The following GRIK1 variants were observed in gnomAD, a reference collection of about 807,000 sequenced individuals.
GRIK1 encodes glutamate ionotropic receptor kainate type subunit 1, also known as glutamate receptor ionotropic, kainate 1.
GRIK1 carries 69 observed loss-of-function variants against 105.7 expected under a neutral mutation model. That is an observed-to-expected ratio of 0.65 (90% CI 0.54 to 0.80). GRIK1 has a LOEUF of 0.80. GRIK1 is among the 30% of genes least tolerant of loss of function. GRIK1 has a pLI of 0.00. For missense variants in GRIK1, 1,109 were observed against 1,167.3 expected (o/e 0.95, Z 0.73); for synonymous variants, 438 against 431.3 (o/e 1.02, Z -0.19).
chr21:29,834,503 T>G (rs1569143645), intron 1 of GRIK1, among the ~76,000 whole-genome samples: 1 of 151,182 alleles, frequency 6.6e-6, no homozygotes, highest in Non-Finnish European at 1.5e-5. Flanking sequence ...TCTTCACTTC[T>G]TGGTCATTCT....
At chr21:29,741,933 A>G (rs1406820315) in intron 1 of GRIK1, among the ~76,000 whole-genome samples, 1 of 152,218 alleles carries the variant, frequency 6.6e-6, no homozygotes, top group Non-Finnish European at 1.5e-5. Flanking sequence ...TGCTGAGAGA[A>G]GGAAACAGAG....
intron 7 of GRIK1, among the ~76,000 whole-genome samples, chr21:29,602,113 C>G (rs900348169): frequency 6.6e-6 from 1 of 152,082 alleles, no homozygotes; most frequent in Non-Finnish European, 1.5e-5. Flanking sequence ...CATTTTGTCC[C>G]TTTTTTAGGC....
At chr21:29,633,351 T>C (rs2062326037) in intron 7 of GRIK1, among the ~76,000 whole-genome samples, 1 of 151,884 alleles carries the variant, frequency 6.6e-6, no homozygotes, top group African/African-American at 2.4e-5. Flanking sequence ...ATACAAAAAT[T>C]AGCCAGGCGT....
chr21:29,787,378 A>C (rs2066286159), intron 1 of GRIK1, among the ~76,000 whole-genome samples: 1 of 152,154 alleles, frequency 6.6e-6, no homozygotes, highest in African/African-American at 2.4e-5. Context: ...ATCTTATATA[A>C]ATGTTTTCCT....
chr21:29,743,901 G>A (rs1401556728), intron 1 of GRIK1, among the ~76,000 whole-genome samples: 3 of 152,042 alleles, frequency 2.0e-5, no homozygotes, highest in Non-Finnish European at 2.9e-5. Context: ...AAATTCTTGA[G>A]GAATAACACA....
chr21:29,587,622 T>A, intron 11 of GRIK1, 33 bp from the exon 12 acceptor site: 1 of 1,310,250 alleles, frequency 7.6e-7, no homozygotes, highest in Non-Finnish European at 1.1e-6. Context: ...GTCAGCTTAG[T>A]CTAGTTTCTT....
intron 7 of GRIK1, among the ~76,000 whole-genome samples, chr21:29,604,874 T>A (rs1951393717): frequency 6.6e-6 from 1 of 152,212 alleles, no homozygotes; most frequent in Admixed American, 6.5e-5. Flanking sequence ...AAAGGTTTCA[T>A]GAATATCTTA....
chr21:29,585,002 A>C (rs2091099951), intron 12 of GRIK1, among the ~76,000 whole-genome samples: 1 of 152,150 alleles, frequency 6.6e-6, no homozygotes, highest in South Asian at 2.1e-4. Context: ...ATGACAGTAC[A>C]CTTGTGCCCT....
At chr21:29,595,086 G>C (rs1383618936) in intron 9 of GRIK1, among the ~76,000 whole-genome samples, 2 of 152,046 alleles carry the variant, frequency 1.3e-5, no homozygotes, top group East Asian at 3.9e-4. Context: ...ACACAAAACA[G>C]CACACCACAG....
At chr21:29,871,063 G>T (rs988410208) in intron 1 of GRIK1, among the ~76,000 whole-genome samples, 3 of 152,112 alleles carry the variant, frequency 2.0e-5, no homozygotes, top group African/African-American at 2.4e-5. Flanking sequence ...GTCCTTCAGG[G>T]CTGGGCAGGA....
intron 7 of GRIK1, chr21:29,601,205 C>T (rs772542581): frequency 5.9e-6 from 3 of 509,172 alleles, no homozygotes; most frequent in South Asian, 1.4e-5. Flanking sequence ...AGGAAGAGAG[C>T]ATTTACTCTC....
intron 1 of GRIK1, among the ~76,000 whole-genome samples, chr21:29,776,478 T>C (rs1226116449): frequency 6.6e-6 from 1 of 152,216 alleles, no homozygotes; most frequent in African/African-American, 2.4e-5. Flanking sequence ...GAAGGCATAT[T>C]GCTCAATTTT....
In GRIK1 at chr21:29,642,929, G is replaced by A. The variant is rs143252117; in HGVS notation, c.995C>T (p.Ala332Val). The change falls in exon 7 of 18, where the codon GCC becomes GTC. Residue 332 changes from alanine to valine, a missense_variant. By Grantham distance (64) the Ala-to-Val change is moderately conservative. Transcript: ENST00000327783. Reference protein sequence around the residue: ...ALMYDAVYMVAIASHRASQLT... With the variant: ...ALMYDAVYMVVIASHRASQLT... ...CTGGGATGCCCGGTGCGAGGCAATG[G>A]CCACCATGTACACAGCATCGTACAT... 1.1e-4 allele frequency: 177 copies of A among 1,613,912 alleles called. 1 individual carries two copies. In the East Asian group the frequency reaches 2.1e-3, roughly 20 times the overall value.
intron 13 of GRIK1, 76 bp from the exon 14 acceptor site, chr21:29,577,257 C>T (rs2090918049): frequency 1.3e-6 from 1 of 796,586 alleles, no homozygotes; most frequent in Non-Finnish European, 2.2e-6. Flanking sequence ...CGACACTATT[C>T]TAGGAAGATC....
chr21:29,556,773 G>A (rs902916514), intron 15 of GRIK1, among the ~76,000 whole-genome samples: 14 of 152,144 alleles, frequency 9.2e-5, no homozygotes, highest in Admixed American at 7.9e-4. Flanking sequence ...TTGAATAGAA[G>A]GAACTTTGAA....
At chr21:29,802,731 A>G (rs1463644960) in intron 1 of GRIK1, among the ~76,000 whole-genome samples, 4 of 152,200 alleles carry the variant, frequency 2.6e-5, no homozygotes, top group African/African-American at 9.6e-5. Context: ...TTGACTATCC[A>G]TCATCTGCGA....
chr21:29,720,470 A>G (rs1181211398), intron 1 of GRIK1, among the ~76,000 whole-genome samples: 1 of 152,048 alleles, frequency 6.6e-6, no homozygotes, highest in Non-Finnish European at 1.5e-5. Flanking sequence ...TAAGTGATAG[A>G]GCAACCAGTT....
intron 14 of GRIK1, among the ~76,000 whole-genome samples, chr21:29,571,165 G>A (rs962142802): frequency 4.6e-5 from 7 of 151,830 alleles, no homozygotes; most frequent in African/African-American, 7.3e-5. Flanking sequence ...TGGCTGAGAT[G>A]GTGAAACACC....
At chr21:29,695,980 G>A (rs966479917) in intron 1 of GRIK1, among the ~76,000 whole-genome samples, 1 of 152,310 alleles carries the variant, frequency 6.6e-6, no homozygotes, top group Middle Eastern at 3.4e-3. Flanking sequence ...TGCATTTTTT[G>A]TTAGAAAGGG....
Sources: allele counts gnomAD v4.1 joint callset (sites outside exome capture counted in the v4.1 genomes callset), GRCh38; gene constraint gnomAD v4.1.1; transcripts MANE v1.5; gene names NCBI Gene and HGNC (gene_info 2026-07-23, HGNC 2026-07-21).